DET1: variants seen among roughly 807,000 people sequenced by gnomAD.
The protein encoded by DET1 is DET1 partner of COP1 E3 ubiquitin ligase, also known as DET1 homolog.
In DET1, 22 loss-of-function variants were observed where a neutral mutation model predicts 43.7. The observed-to-expected ratio is 0.50, with a 90% confidence interval of 0.36 to 0.72. The LOEUF (loss-of-function observed/expected upper bound fraction) is 0.72, where lower values mean the gene tolerates loss of function less well. Ranked by LOEUF, DET1 falls within the 30% of genes least tolerant of loss-of-function variation. DET1 has a pLI of 0.00. For synonymous variants in DET1, 315 were observed against 266.2 expected (o/e 1.18, Z -1.79); for missense variants, 713 against 713.3 (o/e 1.00, Z 0.00).
intron 1 of DET1, among the ~76,000 whole-genome samples, chr15:88,536,784 A>AAAAAAAAAT: frequency 6.6e-6 from 1 of 151,546 alleles, no homozygotes; most frequent in South Asian, 2.1e-4. Flanking sequence ...AAAAAAAAAA[A>AAAAAAAAAT]AAAAAGGAAC....
intron 1 of DET1, among the ~76,000 whole-genome samples, chr15:88,540,689 C>T (rs1488571300): frequency 6.9e-6 from 1 of 144,936 alleles, no homozygotes; most frequent in Non-Finnish European, 1.5e-5. Context: ...TTAGCCCCAA[C>T]CCCGTGCTCT....
chr15:88,524,011 C>T (rs1455333788), intron 3 of DET1, among the ~76,000 whole-genome samples: 4 of 150,998 alleles, frequency 2.6e-5, no homozygotes, highest in South Asian at 2.1e-4. Flanking sequence ...TCTTCCCAGC[C>T]GCCATCACAT....
Position 88,513,624 on chromosome 15 carries a change from T to C in DET1, c.1464-484A>G, listed in dbSNP as rs947002337. Among the ~76,000 whole-genome samples the C allele has an allele frequency of 7.1e-5, 5 of 70,538 alleles. No homozygotes were observed. The East Asian group carries it at 1.3e-3, about 19-fold the overall frequency. 46.3% of individuals were successfully genotyped at this position (70,538 alleles called of 152,430 possible). ...AATCAATATCAAACTATTAGTGAGTTTTTTTTTTTTTTTTTTTGGAAATCT... is the reference window on the plus strand; with the variant it reads ...AATCAATATCAAACTATTAGTGAGTCTTTTTTTTTTTTTTTTTGGAAATCT... On this transcript the variant is annotated intron_variant, in intron 4 of 4. Transcript: ENST00000268148.
intron 1 of DET1, among the ~76,000 whole-genome samples, chr15:88,543,149 T>C (rs2057156184): frequency 6.6e-6 from 1 of 152,176 alleles, no homozygotes; most frequent in Non-Finnish European, 1.5e-5. Flanking sequence ...TTTCATCTGT[T>C]TGTCCATGAG....
chr15:88,513,895 G>GTTCA (rs2056269583), intron 4 of DET1, among the ~76,000 whole-genome samples: 1 of 144,082 alleles, frequency 6.9e-6, no homozygotes, highest in Admixed American at 7.0e-5. Flanking sequence ...CGCCTCCCGG[G>GTTCA]TTCACGCCAT....
chr15:88,513,628 T>C (rs1045275425), intron 4 of DET1, among the ~76,000 whole-genome samples: 3 of 150,180 alleles, frequency 2.0e-5, no homozygotes, highest in Admixed American at 2.0e-4. Context: ...GTGAGTTTTT[T>C]TTTTTTTTTT....
Position 88,530,741 on chromosome 15 carries a change from T to C in DET1, c.965A>G (p.Tyr322Cys). The change falls in exon 2 of 5, where the codon TAT becomes TGT. Residue 322 changes from tyrosine to cysteine, a missense_variant. Coordinates refer to ENST00000268148, the MANE Select transcript of DET1 (RefSeq NM_001144074.3). ...SAMAKRRFFQ[Y>C]FDQLRQLRMW... ...TCGCAGCTGCCGCAGTTGGTCAAAATACTGGAAGAAGCGCCTCTTGGCCAT... is the reference window on the plus strand; with the variant it reads ...TCGCAGCTGCCGCAGTTGGTCAAAACACTGGAAGAAGCGCCTCTTGGCCAT... 6.2e-7 allele frequency: 1 copy of C among 1,614,014 alleles called. No homozygotes were observed.
chr15:88,507,309 A>AT (rs1198774061), intron 7 of DET1, among the ~76,000 whole-genome samples: 1 of 152,218 alleles, frequency 6.6e-6, no homozygotes, highest in African/African-American at 2.4e-5. Context: ...TCTAATAGGC[A>AT]TTTCAAAACT....
At chr15:88,527,513 A>G in intron 3 of DET1, 86 bp downstream of exon 3, 2 of 1,283,416 alleles carry the variant, frequency 1.6e-6, no homozygotes, top group Non-Finnish European at 2.1e-6. Context: ...GACAGACAGA[A>G]TAAGAGGTTT....
chr15:88,541,935 G>A (rs1567076174), intron 1 of DET1, among the ~76,000 whole-genome samples: 1 of 152,164 alleles, frequency 6.6e-6, no homozygotes, highest in Non-Finnish European at 1.5e-5. Flanking sequence ...GACCGCGCTG[G>A]GAGGAAGCAG....
intron 1 of DET1, among the ~76,000 whole-genome samples, chr15:88,535,405 G>C (rs7402429): frequency 0.72 from 107,818 of 150,572 alleles, 39,234 homozygotes; most frequent in African/African-American, 0.85. Context: ...ATCAAAAGTT[G>C]TAACACCCTG....
rs141813777 is a variant in DET1, at chr15:88,541,904, G to A, written c.-11+4636C>T. On this transcript the variant is annotated intron_variant, in intron 1 of 4. Transcript: ENST00000268148. ...AGGAGACGTCCCCTGTGGGCTCACC[G>A]CCCAATTGCCTCCCGGCTGTGACCG... 5.6e-3 allele frequency among the ~76,000 whole-genome samples: 849 copies of A among 152,194 alleles called. 9 individuals carry two copies. Among genetic ancestry groups the A allele is most frequent in the African/African-American group, 0.019 (790 of 41,526 alleles).
intron 3 of DET1, among the ~76,000 whole-genome samples, chr15:88,522,633 C>G (rs537524716): frequency 6.6e-6 from 1 of 151,016 alleles, no homozygotes; most frequent in African/African-American, 2.4e-5. Context: ...CTCAGCCTCC[C>G]GAGTAGCTGG....
chr15:88,532,392 A>G (rs1300863019), intron 1 of DET1, among the ~76,000 whole-genome samples: 1 of 152,260 alleles, frequency 6.6e-6, no homozygotes, highest in Non-Finnish European at 1.5e-5. Context: ...ATTACCCAAA[A>G]TAATCTACAG....
downstream of DET1, among the ~76,000 whole-genome samples, chr15:88,508,112 G>T (rs1013843536): frequency 6.6e-6 from 1 of 152,220 alleles, no homozygotes; most frequent in African/African-American, 2.4e-5. Flanking sequence ...AACACCCCCA[G>T]ATGGGAATGT....
intron 1 of DET1, among the ~76,000 whole-genome samples, chr15:88,538,782 G>A (rs1051885345): frequency 3.9e-5 from 6 of 152,160 alleles, no homozygotes; most frequent in South Asian, 2.1e-4. Context: ...ACCACCTTCC[G>A]GAGGAGAGTG....
chr15:88,533,657 G>A (rs1365797483), intron 1 of DET1, among the ~76,000 whole-genome samples: 1 of 152,056 alleles, frequency 6.6e-6, no homozygotes, highest in Non-Finnish European at 1.5e-5. Context: ...AGGACATTAT[G>A]TGAAGTCAAA....
At chr15:88,539,723 C>T (rs1462694919) in intron 1 of DET1, among the ~76,000 whole-genome samples, 1 of 152,014 alleles carries the variant, frequency 6.6e-6, no homozygotes, top group East Asian at 1.9e-4. Context: ...CTGCCAGAGG[C>T]AAGTAAGGTG....
Position 88,512,731 on chromosome 15 carries a change from C to T in DET1, c.*220G>A, listed in dbSNP as rs888001576. The T allele has an allele frequency of 1.3e-5, 16 of 1,265,980 alleles. No homozygotes were observed. Among genetic ancestry groups the T allele is most frequent in the Middle Eastern group, 3.0e-4 (1 of 3,336 alleles). 78.4% of individuals were successfully genotyped at this position (1,265,980 alleles called of 1,614,324 possible). ...ATGCTGGGCATTCCCACAGGGAAAA[C>T]GCAAGAGGATATTATAACAATCAGT... On this transcript the variant is annotated 3_prime_UTR_variant, in exon 5 of 5. Transcript: ENST00000268148.
Sources: gnomAD v4.1 joint callset for allele counts (sites outside exome capture counted in the v4.1 genomes callset) on GRCh38, gnomAD v4.1.1 for gene constraint, MANE v1.5 for transcripts, NCBI Gene and HGNC (gene_info 2026-07-23, HGNC 2026-07-21) for gene names.